The following FHAD1 variants were observed in gnomAD, a reference collection of about 807,000 sequenced individuals.
FHAD1 encodes the protein forkhead associated phosphopeptide binding domain 1, also known as forkhead-associated domain-containing protein 1.
Under a neutral mutation model 191.3 loss-of-function variants are expected in FHAD1, and 146 were observed. The observed-to-expected ratio is 0.76, with a 90% CI of 0.67 to 0.88. FHAD1 has a LOEUF of 0.88. FHAD1 is among the 40% of genes least tolerant of loss of function. The pLI is 0.00. For missense variants in FHAD1, 1,635 were observed against 1,785.8 expected, an observed-to-expected ratio of 0.92 and a Z score of 1.52; for synonymous variants, 616 against 672.3, an observed-to-expected ratio of 0.92 and a Z score of 1.29.
At chr1:15,292,765 C>G (rs11587064) in intron 4 of FHAD1, among the ~76,000 whole-genome samples, 10,363 of 152,002 alleles carry the variant, frequency 0.068, 1,037 homozygotes, top group African/African-American at 0.22. Flanking sequence ...AGAAGCCACC[C>G]GGCCAACACC....
intron 20 of FHAD1, among the ~76,000 whole-genome samples, chr1:15,356,136 G>C (rs560826114): frequency 6.6e-6 from 1 of 152,260 alleles, no homozygotes; most frequent in South Asian, 2.1e-4. Flanking sequence ...CACTGCTTCG[G>C]ATGCTATTTT....
At chr1:15,369,735 A>G (rs538127096) in intron 26 of FHAD1, among the ~76,000 whole-genome samples, 25 of 152,308 alleles carry the variant, frequency 1.6e-4, no homozygotes, top group African/African-American at 4.3e-4. Flanking sequence ...AGAGGCCTCC[A>G]CGTTCTCACA....
Position 15,329,346 on chromosome 1 carries a change from G to A in FHAD1, c.1711G>A (p.Ala571Thr). 2 of 1,540,422 alleles carry A rather than the reference G, an allele frequency of 1.3e-6. No individual in the cohort carries two copies. The highest frequency in any genetic ancestry group is 1.8e-6 in the Non-Finnish European group (2 of 1,138,144). ...TCCTCATGATCTCACCTCTTTGCAG[G>A]CTTGCATGAAAATATCCTGTTGCAG... ...KLRTSLDSCQ[A>T]CMKISCCSHD... The change falls in exon 14 of 34, where the codon GCT (alanine) becomes ACT (threonine). Residue 571 changes from alanine (A) to threonine (T), a missense_variant and splice_region_variant. Coordinates refer to ENST00000688493, the MANE Select transcript of FHAD1 (RefSeq NM_001391957.1). This position sits in a 1 kb window ranked among gnomAD's most constrained non-coding sequence, Gnocchi z 5.0.
rs1048715899 is a variant in FHAD1 at position 15,329,418 on chromosome 1, A to C, written c.1783A>C (p.Ser595Arg). The C allele has an allele frequency of 7.1e-5, 110 of 1,551,136 alleles. No homozygotes were observed. The highest frequency in any genetic ancestry group is 9.4e-5 in the Non-Finnish European group (108 of 1,146,910). Residue 595 changes from serine (S) to arginine (R), a missense_variant, in exon 14 of 34, where the codon AGC becomes CGC. Physicochemically the swap from Ser to Arg is moderately radical, Grantham distance 110. Transcript: ENST00000688493. This position sits in a 1 kb window ranked among gnomAD's most constrained non-coding sequence, Gnocchi z 5.0. ...CGACCTTCTTCAGCACCTCCAGGTG[A>C]GCCCACCTGTCTCGGGGCTCCAGAA... is the stretch of plus-strand genomic sequence containing the variant. ...EVDLLQHLQV[S>R]PPVSGLQKVV...
At chr1:15,277,008 G>A (rs1015327682) in intron 3 of FHAD1, among the ~76,000 whole-genome samples, 24 of 152,278 alleles carry the variant, frequency 1.6e-4, no homozygotes, top group South Asian at 1.5e-3. Context: ...TGTGCTTGCC[G>A]CGTTGTTTCT....
rs990992652 is a variant in FHAD1 at position 15,318,462 on chromosome 1, C to T, written c.1365+534C>T. ...CAGCCTGGCCAATGTGGTGAAACCC[C>T]GTCTCTACTAAAAATACAAAAATTA... On this transcript the variant is annotated intron_variant, in intron 10 of 33. Coordinates refer to ENST00000688493, the MANE Select transcript of FHAD1 (RefSeq NM_001391957.1). The surrounding 1 kb of genome is among the most constrained non-coding windows in gnomAD (Gnocchi z 4.1). Among the ~76,000 whole-genome samples the T allele has an allele frequency of 8.6e-5, 13 of 152,008 alleles. No homozygotes were observed. The highest frequency in any genetic ancestry group is 1.9e-4 in the East Asian group (1 of 5,188).
chr1:15,345,473 G>T lies in FHAD1; in HGVS notation c.2296G>T (p.Glu766Ter). 6.4e-7 allele frequency: 1 copy of T among 1,552,326 alleles called. No homozygotes were observed. The highest frequency in any genetic ancestry group is 8.7e-7 in the Non-Finnish European group (1 of 1,147,134). Residue 766 changes from glutamate (E) to a stop codon, truncating the protein, a stop_gained, in exon 18 of 34, where the codon GAG becomes TAG. Coordinates refer to ENST00000688493, the MANE Select transcript of FHAD1 (RefSeq NM_001391957.1). LOFTEE classifies it high-confidence loss of function. ...CAGAGTGAAGGAAGCATTAGAGGAA[G>T]AGCAGACAAGAGTCCAAGAGCTGGA... ...KNRVKEALEE[E>*]QTRVQELEER...
intron 26 of FHAD1, among the ~76,000 whole-genome samples, chr1:15,371,699 G>C: frequency 6.6e-6 from 1 of 152,206 alleles, no homozygotes; most frequent in East Asian, 1.9e-4. Flanking sequence ...GTTTACTGCC[G>C]GGGCAAACAC....
chr1:15,277,175 G>T (rs1471108938), intron 3 of FHAD1, among the ~76,000 whole-genome samples: 1 of 152,142 alleles, frequency 6.6e-6, no homozygotes, highest in African/African-American at 2.4e-5. Flanking sequence ...TCCCATTCCA[G>T]CCAGAGCTTC....
chr1:15,350,169 C>T (rs1002665281), intron 19 of FHAD1, among the ~76,000 whole-genome samples: 1 of 152,280 alleles, frequency 6.6e-6, no homozygotes, highest in African/African-American at 2.4e-5. Context: ...CATCCACCCA[C>T]CGTGGGCCAG....
chr1:15,290,888 G>T (rs1236867418), intron 4 of FHAD1, among the ~76,000 whole-genome samples: 1 of 151,372 alleles, frequency 6.6e-6, no homozygotes, highest in African/African-American at 2.4e-5. Flanking sequence ...TTTTGTTTTT[G>T]TATTTTTAGT....
chr1:15,292,429 G>A (rs867541251), intron 4 of FHAD1, among the ~76,000 whole-genome samples: 2 of 152,274 alleles, frequency 1.3e-5, no homozygotes, highest in East Asian at 3.9e-4. Context: ...CACCTCCCAG[G>A]TTCACACCAT....
chr1:15,298,232 C>G (rs1177360974), intron 5 of FHAD1, among the ~76,000 whole-genome samples: 3 of 152,158 alleles, frequency 2.0e-5, no homozygotes, highest in East Asian at 3.8e-4. Flanking sequence ...TTTGCAATGA[C>G]CTGGATGAGA....
intron 25 of FHAD1, 44 bp downstream of exon 25, chr1:15,367,666 G>T (rs146166298): frequency 1.3e-6 from 2 of 1,492,946 alleles, no homozygotes; most frequent in South Asian, 1.3e-5. Flanking sequence ...TTTGCCTGCC[G>T]TGGGGAGCCG....
intron 28 of FHAD1, among the ~76,000 whole-genome samples, 181 bp downstream of exon 28, chr1:15,375,911 G>A (rs1410062300): frequency 6.6e-6 from 1 of 152,142 alleles, no homozygotes; most frequent in Non-Finnish European, 1.5e-5. Flanking sequence ...CAGAAAGGTA[G>A]CCTTCCACTT....
chr1:15,402,206 C>T (rs945065660), downstream of FHAD1, among the ~76,000 whole-genome samples: 3 of 152,200 alleles, frequency 2.0e-5, no homozygotes, highest in Non-Finnish European at 2.9e-5. Flanking sequence ...CTGATGCTAC[C>T]GTGTTAGTTA....
At chr1:15,336,535 T>C (rs1278128384) in intron 14 of FHAD1, among the ~76,000 whole-genome samples, 1 of 152,190 alleles carries the variant, frequency 6.6e-6, no homozygotes, top group Admixed American at 6.5e-5. Flanking sequence ...CTTCTTTCTT[T>C]GGCGTCAGCG....
At chr1:15,346,261 G>A (rs1303911793) in intron 18 of FHAD1, among the ~76,000 whole-genome samples, 1 of 152,196 alleles carries the variant, frequency 6.6e-6, no homozygotes, top group Non-Finnish European at 1.5e-5. Flanking sequence ...AAAAGGGCCT[G>A]TGGAAGTTAT....
At chr1:15,344,435 G>A (rs1251419536) in intron 16 of FHAD1, among the ~76,000 whole-genome samples, 2 of 152,184 alleles carry the variant, frequency 1.3e-5, no homozygotes, top group African/African-American at 4.8e-5. Flanking sequence ...GTTAGATCAG[G>A]GATTGGCCAA....
Sources: allele counts gnomAD v4.1 joint callset (sites outside exome capture counted in the v4.1 genomes callset), GRCh38; gene constraint gnomAD v4.1.1; non-coding constraint Gnocchi (gnomAD v3.1); transcripts MANE v1.5; gene names NCBI Gene and HGNC (gene_info 2026-07-23, HGNC 2026-07-21).